The following SON variants were observed in gnomAD, a reference collection of about 807,000 sequenced individuals.
SON encodes the protein SON DNA and RNA binding protein.
In SON, 4 loss-of-function variants were observed where a neutral mutation model predicts 173.3. The ratio of observed to expected loss-of-function variants is 0.02; its 90% CI spans 0.01 to 0.05. SON has a LOEUF of 0.05. SON is among the 10% of genes least tolerant of loss of function. The probability of loss-of-function intolerance (pLI) is 1.00; values close to 1 mark genes in which losing one functional copy is unlikely to be tolerated. For missense variants in SON, 2,626 were observed against 3,055.3 expected (o/e 0.86, Z 3.31); for synonymous variants, 1,190 against 1,105.9 (o/e 1.08, Z -1.51).
At chr21:33,543,447 C>T (rs2085514243) in intron 1 of SON, 1 of 472,728 alleles carries the variant, frequency 2.1e-6, no homozygotes, top group Non-Finnish European at 3.9e-6. Context: ...TGGGTCCCCC[C>T]TGCCGTTTAG....
rs1343095691 is a variant in SON, at chr21:33,559,055, A to G, written c.6322-175A>G. On this transcript the variant is annotated intron_variant, in intron 4 of 11. Coordinates refer to ENST00000356577, the MANE Select transcript of SON (RefSeq NM_138927.4). The surrounding 1 kb of genome is among the most constrained non-coding windows in gnomAD (Gnocchi z 4.1). ...GGTGCTCAATAAATGTTGTTGACTGACTGACCAGCCAGAGTGTGTTTAAAT... is the reference window on the plus strand; with the variant it reads ...GGTGCTCAATAAATGTTGTTGACTGGCTGACCAGCCAGAGTGTGTTTAAAT... 2 of 453,532 alleles carry G rather than the reference A, an allele frequency of 4.4e-6. No homozygotes were observed. The highest frequency in any genetic ancestry group is 7.6e-6 in the Non-Finnish European group (2 of 261,878). The allele number at this position is 453,532 out of a possible 1,614,324, so 28.1% of individuals were successfully genotyped here.
Position 33,552,614 on chromosome 21 carries a change from C to T in SON, c.3383C>T (p.Ala1128Val), listed in dbSNP as rs778713253. ...YTADRSMMSM[A>V]ADSYTDSYTD... Reference sequence around the variant, plus strand: ...GCTGATCGTTCAATGATGTCTATGGCTGCTGATTCTTACACCGATTCTTAC... The same window carrying T: ...GCTGATCGTTCAATGATGTCTATGGTTGCTGATTCTTACACCGATTCTTAC... The change falls in exon 3 of 12, where the codon GCT becomes GTT. Residue 1128 changes from alanine (A) to valine (V), a missense_variant. Physicochemically the swap from Ala to Val is moderately conservative, Grantham distance 64 (BLOSUM62 0). Coordinates refer to ENST00000356577, the MANE Select transcript of SON (RefSeq NM_138927.4). This position sits in a 1 kb window ranked among gnomAD's most constrained non-coding sequence, Gnocchi z 5.6. 3 of 1,613,946 alleles carry T rather than the reference C, an allele frequency of 1.9e-6. No homozygotes were observed. Among genetic ancestry groups the T allele is most frequent in the African/African-American group, 2.7e-5 (2 of 74,836 alleles).
At chr21:33,547,537 GTGCTTAGATTCATGACTCTCAAACAGACT>G (rs1162436845) in intron 2 of SON, among the ~76,000 whole-genome samples, 1 of 152,032 alleles carries the variant, frequency 6.6e-6, no homozygotes, top group Non-Finnish European at 1.5e-5. Context: ...AACTTTAGCT[GTGCTTAGATTCATGACTCTCAAACAGACT>G]TGCTTAGATT....
At chr21:33,549,136 T>C (rs2085692225) in intron 2 of SON, among the ~76,000 whole-genome samples, 2 of 150,006 alleles carry the variant, frequency 1.3e-5, no homozygotes, top group Non-Finnish European at 3.0e-5. Context: ...TGGAGTACAG[T>C]GGTGCAATTT....
At chr21:33,560,006 A>G in intron 6 of SON, 1 of 1,614,164 alleles carries the variant, frequency 6.2e-7, no homozygotes, top group Non-Finnish European at 8.5e-7. Context: ...AATTGCAGAG[A>G]ACAGTGTTAT....
chr21:33,552,491 G>C lies in SON; in HGVS notation c.3260G>C (p.Gly1087Ala), dbSNP rs2085825832. 3.1e-6 allele frequency: 5 copies of C among 1,613,994 alleles called. No homozygotes were observed. Among genetic ancestry groups the C allele is most frequent in the Non-Finnish European group, 4.2e-6 (5 of 1,179,972 alleles). The change falls in exon 3 of 12, where the codon GGT (glycine) becomes GCT (alanine). Residue 1087 changes from glycine (G) to alanine (A), a missense_variant. By Grantham distance (60) the Gly-to-Ala change is moderately conservative (BLOSUM62 0). Transcript: ENST00000356577. The surrounding 1 kb of genome is among the most constrained non-coding windows in gnomAD (Gnocchi z 5.6). Reference protein sequence around the residue: ...PMADRSMMSMGADRSMMSSYS... With the variant: ...PMADRSMMSMAADRSMMSSYS... ...GCTGATCGATCTATGATGTCCATGG[G>C]TGCTGACCGGTCTATGATGTCGTCA...
chr21:33,561,055 T>C (rs2086061663), intron 6 of SON: 1 of 152,208 alleles, frequency 6.6e-6, no homozygotes, highest in African/African-American at 2.4e-5. Context: ...TTCACTTTTT[T>C]TTTGTTTGTT....
chr21:33,572,680 G>T (rs1376654397), intron 8 of SON: 1 of 946,998 alleles, frequency 1.1e-6, no homozygotes, highest in South Asian at 1.4e-5. Context: ...CATCAAGCTA[G>T]GTTTTAAAAG....
At chr21:33,571,083 T>C (rs2086274529) in intron 8 of SON, among the ~76,000 whole-genome samples, 4 of 152,152 alleles carry the variant, frequency 2.6e-5, no homozygotes, top group African/African-American at 9.7e-5. Flanking sequence ...AGATATACTT[T>C]GGGAAGCAAA....
intron 7 of SON, among the ~76,000 whole-genome samples, chr21:33,568,004 T>G (rs575362519): frequency 9.2e-5 from 14 of 152,182 alleles, no homozygotes; most frequent in Admixed American, 7.9e-4. Flanking sequence ...GAATCTGGAG[T>G]CTGTGCTTTT....
At position 33,551,838 on chromosome 21, in the gene SON, C is replaced by T. The variant is rs146411758; in HGVS notation, c.2607C>T (p.Gly869=). The T allele has an allele frequency of 6.2e-7, 1 of 1,613,752 alleles. No homozygotes were observed. The highest frequency in any genetic ancestry group is 8.5e-7 in the Non-Finnish European group (1 of 1,180,010). ...SSMDSQMLAS[G]TMDSQMLASG... Reference sequence around the variant, plus strand: ...TGGATTCCCAGATGTTAGCATCTGGCACTATGGACTCTCAAATGTTAGCTT... The same window carrying T: ...TGGATTCCCAGATGTTAGCATCTGGTACTATGGACTCTCAAATGTTAGCTT... Residue 869 remains glycine (G), a synonymous_variant, in exon 3 of 12, where the codon GGC becomes GGT. Transcript: ENST00000356577.
intron 4 of SON, chr21:33,558,584 C>T (rs2086010983): frequency 6.6e-6 from 1 of 152,156 alleles, no homozygotes; most frequent in Non-Finnish European, 1.5e-5. Flanking sequence ...AATCCAAGCT[C>T]CTTATCCAAA....
chr21:33,565,408 G>A (rs1245970049), intron 6 of SON, among the ~76,000 whole-genome samples: 1 of 152,172 alleles, frequency 6.6e-6, no homozygotes, highest in Non-Finnish European at 1.5e-5. Flanking sequence ...GTAAGTGTGA[G>A]AAGGTTAATG....
At position 33,577,268 on chromosome 21, in the gene SON, G is replaced by A. The variant is rs1306678003; in HGVS notation, c.*844G>A. The A allele has an allele frequency of 1.3e-5, 2 of 152,500 alleles. No homozygotes were observed. The highest frequency in any genetic ancestry group is 6.5e-5 in the Admixed American group (1 of 15,280). 9.4% of individuals were successfully genotyped at this position (152,500 alleles called of 1,614,324 possible). On this transcript the variant is annotated 3_prime_UTR_variant, in exon 12 of 12. Transcript: ENST00000356577. ...TTTGAATTTCAGCTACACCTAGATA[G>A]ACGTAAAATGATAATTAAAATGCTG...
rs747011396 is a variant in SON at position 33,559,685 on chromosome 21, T to C, written c.6567T>C (p.Asp2189=). 6.2e-7 allele frequency: 1 copy of C among 1,613,900 alleles called. No homozygotes were observed. Among genetic ancestry groups the C allele is most frequent in the Non-Finnish European group, 8.5e-7 (1 of 1,179,900 alleles). ...CTCAACATCGGAAAAAAGAAGCGGA[T>C]AGTGTTTATGGAGAATGGGTTCCTG... ...SGSQHRKKEA[D]SVYGEWVPVE... Residue 2189 remains aspartate, a synonymous_variant, in exon 6 of 12, where the codon GAT becomes GAC. Coordinates refer to ENST00000356577, the MANE Select transcript of SON (RefSeq NM_138927.4). The surrounding 1 kb of genome is among the most constrained non-coding windows in gnomAD (Gnocchi z 4.1).
Position 33,551,973 on chromosome 21 carries a change from T to C in SON, c.2742T>C (p.Tyr914=), listed in dbSNP as rs1246160146. Residue 914 remains tyrosine, a synonymous_variant, in exon 3 of 12, where the codon TAT becomes TAC. Transcript: ENST00000356577. ...TGGGTTCAAAATCTCCTGATCCCTA[T>C]AGGTTAGCTCAGGATCCTTACAGGT... ...AMLGSKSPDP[Y]RLAQDPYRLA... The C allele has an allele frequency of 6.2e-7, 1 of 1,613,772 alleles. No individual in the cohort carries two copies. The highest frequency in any genetic ancestry group is 1.3e-5 in the African/African-American group (1 of 74,906).
At position 33,551,200 on chromosome 21, in the gene SON, T is replaced by G; in HGVS notation, c.1969T>G (p.Ser657Ala). The stretch of plus-strand genomic sequence containing the variant: ...TGTGGCGCTGGAGATCTCTGTTCAG[T>G]CTGTGGTGACAACATCGGAGCTGTC... ...ATVALEISVQ[S>A]VVTTSELSTM... Residue 657 changes from serine to alanine, a missense_variant, in exon 3 of 12, where the codon TCT (serine) becomes GCT (alanine). By Grantham distance (99) the Ser-to-Ala change is moderately conservative. Transcript: ENST00000356577. 4 of 1,614,040 alleles carry G rather than the reference T, an allele frequency of 2.5e-6. No homozygotes were observed. The highest frequency in any genetic ancestry group is 3.4e-6 in the Non-Finnish European group (4 of 1,179,964).
rs764999352 is a variant in SON, at chr21:33,553,689, A to C, written c.4458A>C (p.Gly1486=). ...TCATGTCATCACATGTTATGAAAGG[A>C]ATTAATCTATCCTCTGGTGATCAAA... ...SSIMSSHVMK[G]INLSSGDQNL... is the part of the protein sequence containing the mutation. Residue 1486 remains glycine, a synonymous_variant, in exon 3 of 12, where the codon GGA becomes GGC. Coordinates refer to ENST00000356577, the MANE Select transcript of SON (RefSeq NM_138927.4). 5.0e-6 allele frequency: 8 copies of C among 1,613,898 alleles called. No homozygotes were observed. The highest frequency in any genetic ancestry group is 5.1e-6 in the Non-Finnish European group (6 of 1,179,994).
chr21:33,572,785 T>TTTTTTTTTG, intron 8 of SON, among the ~76,000 whole-genome samples: 1 of 148,836 alleles, frequency 6.7e-6, no homozygotes. Flanking sequence ...TTTTTTTTTC[T>TTTTTTTTTG]GCTTTAGGGA....
Sources: allele counts gnomAD v4.1 joint callset (sites outside exome capture counted in the v4.1 genomes callset), GRCh38; gene constraint gnomAD v4.1.1; non-coding constraint Gnocchi (gnomAD v3.1); transcripts MANE v1.5; gene names NCBI Gene and HGNC (gene_info 2026-07-23, HGNC 2026-07-21).